The following ENOX1 variants were observed in gnomAD, a reference collection of about 807,000 sequenced individuals.
The protein encoded by ENOX1 is ecto-NOX disulfide-thiol exchanger 1, also known as candidate growth-related and time keeping constitutive hydroquinone (NADH) oxidase.
Under a neutral mutation model 82.5 loss-of-function variants are expected in ENOX1, and 42 were observed. The observed-to-expected ratio is 0.51, with a 90% confidence interval of 0.40 to 0.66. ENOX1 has a LOEUF of 0.66. Among genes scored for constraint, ENOX1 ranks in the 30% least tolerant of loss-of-function variants. ENOX1 has a pLI of 0.00. For synonymous variants in ENOX1, 271 were observed against 282.2 expected, an observed-to-expected ratio of 0.96 and a Z score of 0.40; for missense variants, 608 against 811.6, an observed-to-expected ratio of 0.75 and a Z score of 3.05.
chr13:43,474,290 T>C (rs558930426), intron 3 of ENOX1, among the ~76,000 whole-genome samples: 2 of 152,298 alleles, frequency 1.3e-5, no homozygotes, highest in East Asian at 3.9e-4. Context: ...AAACATCACC[T>C]ACTTCCAACA....
chr13:43,558,568 C>G (rs2079539147), intron 2 of ENOX1, among the ~76,000 whole-genome samples: 1 of 152,170 alleles, frequency 6.6e-6, no homozygotes, highest in Non-Finnish European at 1.5e-5. Flanking sequence ...GAATTAGTCA[C>G]TATTTCCCTT....
intron 2 of ENOX1, among the ~76,000 whole-genome samples, chr13:43,631,096 T>G (rs2083198393): frequency 6.6e-6 from 1 of 152,230 alleles, no homozygotes; most frequent in South Asian, 2.1e-4. Flanking sequence ...ATATTCTGCC[T>G]TCTGAAGGTG....
rs1383202694 is a variant in ENOX1, at chr13:43,704,482, A to T, written c.-284-36938T>A. On this transcript the variant is annotated intron_variant, in intron 1 of 16. Coordinates refer to ENST00000690772, the MANE Select transcript of ENOX1 (RefSeq NM_001347969.2). The stretch of plus-strand genomic sequence containing the variant: ...CCTTTGAAAGAAAAAAAAACAACAC[A>T]CTGGGTAAGATCTACTTTTATACAT... 2.0e-5 allele frequency among the ~76,000 whole-genome samples: 3 copies of T among 152,104 alleles called. No individual in the cohort carries two copies. In the East Asian group the frequency reaches 5.8e-4, roughly 29 times the overall value.
At chr13:43,571,947 G>T (rs1383647431) in intron 2 of ENOX1, among the ~76,000 whole-genome samples, 1 of 152,044 alleles carries the variant, frequency 6.6e-6, no homozygotes, top group Non-Finnish European at 1.5e-5. Flanking sequence ...AAAAGGAAGG[G>T]AGGATTCAAA....
chr13:43,685,873 AACACACACACACAC>A (rs60259011), intron 1 of ENOX1, among the ~76,000 whole-genome samples: 15 of 141,526 alleles, frequency 1.1e-4, no homozygotes, highest in South Asian at 4.8e-4. Context: ...CCCAGAAGGA[AACACACACACACAC>A]ACACACACAC....
chr13:43,749,010 A>G (rs1221962631), intron 1 of ENOX1, among the ~76,000 whole-genome samples: 3 of 152,178 alleles, frequency 2.0e-5, no homozygotes, highest in African/African-American at 7.2e-5. Flanking sequence ...GGAAAATAGT[A>G]TCTATGCCAT....
intron 13 of ENOX1, among the ~76,000 whole-genome samples, chr13:43,267,240 C>A (rs908556440): frequency 6.6e-6 from 1 of 152,194 alleles, no homozygotes; most frequent in African/African-American, 2.4e-5. Context: ...GGCTGAACAT[C>A]CTGTCTGATG....
intron 8 of ENOX1, among the ~76,000 whole-genome samples, chr13:43,346,938 C>T (rs1388776856): frequency 6.6e-6 from 1 of 152,048 alleles, no homozygotes; most frequent in Non-Finnish European, 1.5e-5. Context: ...ACTATTTTTC[C>T]CCTTTGCTGT....
chr13:43,785,495 G>C (rs1952517585), intron 1 of ENOX1, among the ~76,000 whole-genome samples: 1 of 152,194 alleles, frequency 6.6e-6, no homozygotes, highest in Non-Finnish European at 1.5e-5. Context: ...TCCTGGGTCT[G>C]CTTTTAAAAA....
intron 3 of ENOX1, among the ~76,000 whole-genome samples, chr13:43,416,225 C>T (rs1287121691): frequency 7.1e-6 from 1 of 140,270 alleles, no homozygotes; most frequent in Non-Finnish European, 1.5e-5. Context: ...AGGCGCTCCT[C>T]ACTTCCCAGA....
intron 8 of ENOX1, among the ~76,000 whole-genome samples, chr13:43,346,483 T>C (rs898950569): frequency 6.6e-6 from 1 of 152,202 alleles, no homozygotes; most frequent in African/African-American, 2.4e-5. Context: ...ACCCTGTGAA[T>C]GACAGACTCA....
chr13:43,740,889 G>A (rs2089875641), intron 1 of ENOX1, among the ~76,000 whole-genome samples: 1 of 152,086 alleles, frequency 6.6e-6, no homozygotes, highest in East Asian at 1.9e-4. Flanking sequence ...TTCAACAGTT[G>A]AAGGACATTG....
chr13:43,426,698 C>G (rs1251777953), intron 3 of ENOX1, among the ~76,000 whole-genome samples: 3 of 152,110 alleles, frequency 2.0e-5, no homozygotes, highest in African/African-American at 7.2e-5. Flanking sequence ...CTGTCAACTC[C>G]AAATATTCAC....
intron 9 of ENOX1, among the ~76,000 whole-genome samples, chr13:43,331,490 C>A (rs141024062): frequency 2.8e-4 from 42 of 152,278 alleles, no homozygotes; most frequent in African/African-American, 1.0e-3. Flanking sequence ...GCAGGGTACA[C>A]AGGACATTTT....
chr13:43,444,074 A>G (rs559075302), intron 3 of ENOX1, among the ~76,000 whole-genome samples: 1 of 152,312 alleles, frequency 6.6e-6, no homozygotes, highest in East Asian at 1.9e-4. Flanking sequence ...ACTAAAGATT[A>G]GAATTAGCAC....
chr13:43,214,707 T>A (rs1006140315), intron 16 of ENOX1, among the ~76,000 whole-genome samples: 1 of 152,198 alleles, frequency 6.6e-6, no homozygotes, highest in African/African-American at 2.4e-5. Flanking sequence ...TTAATGCAAC[T>A]TTTTTCTTCT....
chr13:43,528,470 T>A (rs532798749), intron 2 of ENOX1, among the ~76,000 whole-genome samples: 13 of 152,100 alleles, frequency 8.5e-5, no homozygotes, highest in African/African-American at 1.2e-4. Context: ...CAAAAGCACA[T>A]AGATGAGAAT....
At chr13:43,338,967 G>A (rs1159050678) in intron 9 of ENOX1, among the ~76,000 whole-genome samples, 3 of 152,278 alleles carry the variant, frequency 2.0e-5, no homozygotes, top group East Asian at 1.9e-4. Context: ...TTACAGGCGT[G>A]AGCCACCGTG....
At chr13:43,452,262 C>T (rs1337642491) in intron 3 of ENOX1, among the ~76,000 whole-genome samples, 3 of 152,112 alleles carry the variant, frequency 2.0e-5, no homozygotes, top group African/African-American at 7.2e-5. Flanking sequence ...CTAATGCTAT[C>T]CCTCCTCCTG....
Sources: allele counts gnomAD v4.1 joint callset (sites outside exome capture counted in the v4.1 genomes callset), GRCh38; gene constraint gnomAD v4.1.1; transcripts MANE v1.5; gene names NCBI Gene and HGNC (gene_info 2026-07-23, HGNC 2026-07-21).